The following MYT1L variants were observed in gnomAD, a reference collection of about 807,000 sequenced individuals.
The protein encoded by MYT1L is myelin transcription factor 1 like, also known as myelin transcription factor 1-like protein.
MYT1L carries 12 observed loss-of-function variants against 126.7 expected under a neutral mutation model. The ratio of observed to expected loss-of-function variants is 0.09; its 90% CI spans 0.06 to 0.15. MYT1L has a LOEUF of 0.15. Among genes scored for constraint, MYT1L ranks in the 10% least tolerant of loss-of-function variants. The pLI is 1.00. For missense variants in MYT1L, 979 were observed against 1,585.2 expected (o/e 0.62, Z 6.49); for synonymous variants, 541 against 604.2 (o/e 0.90, Z 1.53).
rs532943826 is a variant in MYT1L at position 1,813,458 on chromosome 2, G to A, written c.3081-4291C>T. 5.3e-5 allele frequency among the ~76,000 whole-genome samples: 8 copies of A among 152,260 alleles called. No individual in the cohort carries two copies. In the East Asian group the frequency reaches 1.6e-3, roughly 30 times the overall value. ...TCTCTGAGAGCAGCTGCCGATGCTG[G>A]AATATTTCCTAGAGCAGGGGTCCCC... On this transcript the variant is annotated intron_variant, in intron 21 of 24. Transcript: ENST00000647738.
At chr2:1,867,758 C>A (rs1337708687) in intron 18 of MYT1L, among the ~76,000 whole-genome samples, 2 of 152,128 alleles carry the variant, frequency 1.3e-5, no homozygotes, top group African/African-American at 4.8e-5. Context: ...TAGATATGCT[C>A]ATTAATGTGA....
chr2:2,001,147 C>G (rs2062334844), intron 4 of MYT1L, among the ~76,000 whole-genome samples: 1 of 151,570 alleles, frequency 6.6e-6, no homozygotes, highest in Admixed American at 6.6e-5. Flanking sequence ...TAATTTCCCC[C>G]TCTTTATTTC....
intron 3 of MYT1L, among the ~76,000 whole-genome samples, chr2:2,119,317 T>C (rs1460447995): frequency 6.6e-6 from 1 of 152,212 alleles, no homozygotes; most frequent in Non-Finnish European, 1.5e-5. Flanking sequence ...CACTTAAGAA[T>C]TCATGCTTAC....
chr2:1,967,666 A>C (rs1268327218), intron 8 of MYT1L, among the ~76,000 whole-genome samples: 1 of 152,182 alleles, frequency 6.6e-6, no homozygotes, highest in Non-Finnish European at 1.5e-5. Context: ...TGCAGCAGGG[A>C]CTTCAGGCCT....
intron 2 of MYT1L, among the ~76,000 whole-genome samples, chr2:2,231,593 A>T (rs936807169): frequency 1.3e-5 from 2 of 151,958 alleles, no homozygotes; most frequent in African/African-American, 4.8e-5. Flanking sequence ...CACTACAGGC[A>T]TGCAACACCA....
At chr2:2,043,111 G>A (rs1490648114) in intron 4 of MYT1L, among the ~76,000 whole-genome samples, 1 of 152,136 alleles carries the variant, frequency 6.6e-6, no homozygotes, top group Non-Finnish European at 1.5e-5. Flanking sequence ...CACGTTCTTT[G>A]AGGGTTTCAG....
intron 14 of MYT1L, among the ~76,000 whole-genome samples, chr2:1,897,179 C>T (rs758290069): frequency 7.2e-5 from 11 of 152,124 alleles, no homozygotes; most frequent in Non-Finnish European, 1.6e-4. Context: ...AATAAGAGGG[C>T]CTACAGTTAA....
At chr2:1,815,638 G>C (rs2037499809) in intron 21 of MYT1L, among the ~76,000 whole-genome samples, 1 of 152,100 alleles carries the variant, frequency 6.6e-6, no homozygotes, top group South Asian at 2.1e-4. Flanking sequence ...GAAGAGTGTG[G>C]GGGAGCACCC....
chr2:2,130,530 T>A (rs1184889162), intron 3 of MYT1L, among the ~76,000 whole-genome samples: 1 of 152,060 alleles, frequency 6.6e-6, no homozygotes, highest in Non-Finnish European at 1.5e-5. Flanking sequence ...GAACCCACAT[T>A]CATGTTGATG....
At chr2:1,988,137 G>A (rs909409469) in intron 5 of MYT1L, among the ~76,000 whole-genome samples, 35 of 151,932 alleles carry the variant, frequency 2.3e-4, no homozygotes, top group African/African-American at 8.5e-4. Context: ...TGCACCTACA[G>A]GGTAGAAACG....
In MYT1L at chr2:1,922,476, C is replaced by T. The variant is rs1399780514; in HGVS notation, c.1293G>A (p.Leu431=). 6.2e-7 allele frequency: 1 copy of T among 1,613,978 alleles called. No individual in the cohort carries two copies. The highest frequency in any genetic ancestry group is 8.5e-7 in the Non-Finnish European group (1 of 1,179,890). Residue 431 remains leucine, a synonymous_variant, in exon 10 of 25, where the codon CTG becomes CTA. Coordinates refer to ENST00000647738, the MANE Select transcript of MYT1L (RefSeq NM_001303052.2). This position sits in a 1 kb window ranked among gnomAD's most constrained non-coding sequence, Gnocchi z 7.4. ...EEVFDMTKGN[L]TLLEKAIALE... ...AAGCGATGGCTTTCTCCAGCAGGGT[C>T]AGGTTCCCCTTGGTCATGTCGAACA...
At chr2:1,960,797 T>C (rs964684784) in intron 8 of MYT1L, among the ~76,000 whole-genome samples, 64 of 151,936 alleles carry the variant, frequency 4.2e-4, no homozygotes, top group African/African-American at 1.4e-3. Context: ...CCTGCCTCCC[T>C]GGACCCTTCC....
chr2:1,959,738 T>C (rs923094027), intron 8 of MYT1L, among the ~76,000 whole-genome samples: 3 of 152,214 alleles, frequency 2.0e-5, no homozygotes, highest in South Asian at 4.1e-4. Flanking sequence ...TGTGCTCAGA[T>C]AGAGATGCTG....
chr2:1,993,822 T>C lies in MYT1L; in HGVS notation c.-1+3369A>G, dbSNP rs115737700. Reference sequence around the variant, plus strand: ...AATTTTATTCCGTCCTTGGCTTTGGTTGAGTAAAGCCACGTGTCTCGTCAT... The same window carrying C: ...AATTTTATTCCGTCCTTGGCTTTGGCTGAGTAAAGCCACGTGTCTCGTCAT... On this transcript the variant is annotated intron_variant, in intron 5 of 24. Coordinates refer to ENST00000647738, the MANE Select transcript of MYT1L (RefSeq NM_001303052.2). Among the ~76,000 whole-genome samples, 327 of 152,318 alleles carry C rather than the reference T, an allele frequency of 2.1e-3. 2 individuals are homozygous for C. The highest frequency in any genetic ancestry group is 7.7e-3 in the African/African-American group (321 of 41,580).
chr2:1,877,096 A>C (rs2047003744), intron 18 of MYT1L, among the ~76,000 whole-genome samples: 2 of 152,130 alleles, frequency 1.3e-5, no homozygotes, highest in African/African-American at 4.8e-5. Flanking sequence ...TTCAGCATCT[A>C]AGCTCTGCCT....
intron 3 of MYT1L, among the ~76,000 whole-genome samples, chr2:2,077,231 C>T (rs932548337): frequency 6.6e-6 from 1 of 152,014 alleles, no homozygotes; most frequent in Non-Finnish European, 1.5e-5. Flanking sequence ...TCCTTATATA[C>T]AGAATGAGAG....
intron 3 of MYT1L, among the ~76,000 whole-genome samples, chr2:2,091,188 T>C (rs2076884658): frequency 1.3e-5 from 2 of 152,342 alleles, no homozygotes; most frequent in Middle Eastern, 3.4e-3. Flanking sequence ...ATAGCACTTA[T>C]TGTCTTCAAA....
At chr2:2,325,490 T>C (rs1283511895) in intron 1 of MYT1L, 1 of 152,262 alleles carries the variant, frequency 6.6e-6, no homozygotes, top group Non-Finnish European at 1.5e-5. Flanking sequence ...AATATGGTTT[T>C]TAAAATAGCT....
chr2:2,318,201 G>C (rs912600799), intron 1 of MYT1L, among the ~76,000 whole-genome samples: 1 of 152,114 alleles, frequency 6.6e-6, no homozygotes, highest in East Asian at 1.9e-4. Context: ...CACAACTTCT[G>C]CATCTAATCC....
Sources: allele counts gnomAD v4.1 joint callset (sites outside exome capture counted in the v4.1 genomes callset), GRCh38; gene constraint gnomAD v4.1.1; non-coding constraint Gnocchi (gnomAD v3.1); transcripts MANE v1.5; gene names NCBI Gene and HGNC (gene_info 2026-07-23, HGNC 2026-07-21).